CSGALNACT1: variants seen among roughly 807,000 people sequenced by gnomAD.
CSGALNACT1 encodes the protein chondroitin sulfate N-acetylgalactosaminyltransferase 1, also known as beta4GalNAcT-1.
Under a neutral mutation model 51.0 loss-of-function variants are expected in CSGALNACT1, and 52 were observed. The ratio of observed to expected loss-of-function variants is 1.02; its 90% CI spans 0.82 to 1.29. The LOEUF (loss-of-function observed/expected upper bound fraction) is 1.29. CSGALNACT1 is among the 50% of genes most tolerant of loss of function. The pLI is 0.00. For missense variants in CSGALNACT1, 935 were observed against 679.2 expected (o/e 1.38, Z -4.19); for synonymous variants, 341 against 254.4 (o/e 1.34, Z -3.24).
chr8:19,640,234 A>G (rs1007647730), intron 1 of CSGALNACT1, among the ~76,000 whole-genome samples: 1 of 152,218 alleles, frequency 6.6e-6, no homozygotes, highest in Admixed American at 6.5e-5. Context: ...TAATATTTGT[A>G]TATTTTGCTC....
At chr8:19,467,263 G>A (rs1415731002) in intron 4 of CSGALNACT1, among the ~76,000 whole-genome samples, 3 of 151,928 alleles carry the variant, frequency 2.0e-5, no homozygotes, top group Non-Finnish European at 2.9e-5. Context: ...GGGACTACAG[G>A]AGCCCGCCAC....
At chr8:19,418,840 A>AGGGG (rs1452664991) in intron 7 of CSGALNACT1, 90 bp from the exon 7 acceptor site, 2 of 859,986 alleles carry the variant, frequency 2.3e-6, no homozygotes, top group Non-Finnish European at 3.9e-6. Context: ...AACACCCCAG[A>AGGGG]TATTTGCACC....
At chr8:19,444,578 C>T (rs1418178327) in intron 5 of CSGALNACT1, among the ~76,000 whole-genome samples, 1 of 152,156 alleles carries the variant, frequency 6.6e-6, no homozygotes, top group African/African-American at 2.4e-5. Flanking sequence ...GCTACTTACC[C>T]TAACCCCCAA....
At chr8:19,409,353 C>T (rs187766455) in intron 8 of CSGALNACT1, among the ~76,000 whole-genome samples, 1 of 152,300 alleles carries the variant, frequency 6.6e-6, no homozygotes, top group African/African-American at 2.4e-5. Context: ...AAACTGCTCC[C>T]AAAAGCATCT....
chr8:19,428,825 A>ATGTGTGTGTGTGTGTGTGTG (rs59241616), intron 6 of CSGALNACT1, among the ~76,000 whole-genome samples: 2 of 143,340 alleles, frequency 1.4e-5, no homozygotes, highest in African/African-American at 5.3e-5. Context: ...AAGACATGAT[A>ATGTGTGTGTGTGTGTGTGTG]TGTGTGTGTG....
intron 1 of CSGALNACT1, among the ~76,000 whole-genome samples, chr8:19,679,273 T>C (rs1452504167): frequency 6.6e-6 from 1 of 151,836 alleles, no homozygotes; most frequent in Admixed American, 6.6e-5. Flanking sequence ...GGCAACATGA[T>C]AAACCCCCGT....
chr8:19,617,811 T>C (rs1054577954), intron 1 of CSGALNACT1, among the ~76,000 whole-genome samples: 5 of 152,244 alleles, frequency 3.3e-5, no homozygotes, highest in African/African-American at 1.2e-4. Context: ...TGTCATTTAA[T>C]TAATACCTTG....
intron 1 of CSGALNACT1, among the ~76,000 whole-genome samples, chr8:19,611,037 C>T (rs1486282435): frequency 6.6e-6 from 1 of 152,206 alleles, no homozygotes; most frequent in Non-Finnish European, 1.5e-5. Context: ...CGAGCCGCTC[C>T]CCCTGTCGCA....
At chr8:19,686,315 A>AT (rs2060974104), upstream of CSGALNACT1, among the ~76,000 whole-genome samples, 1 of 152,228 alleles carries the variant, frequency 6.6e-6, no homozygotes, top group Non-Finnish European at 1.5e-5. Context: ...AGGAAAAAAA[A>AT]CTAGAAGAAT....
At chr8:19,614,823 C>T (rs931101109) in intron 1 of CSGALNACT1, among the ~76,000 whole-genome samples, 2 of 152,238 alleles carry the variant, frequency 1.3e-5, no homozygotes, top group African/African-American at 2.4e-5. Context: ...ATTTCTGCTA[C>T]ACGGTGCTGC....
At chr8:19,650,880 G>GC (rs1264382654) in intron 1 of CSGALNACT1, among the ~76,000 whole-genome samples, 1 of 152,182 alleles carries the variant, frequency 6.6e-6, no homozygotes. Context: ...CTCAGGTGAA[G>GC]AGTCACGAGT....
chr8:19,579,892 A>C (rs572834928), intron 3 of CSGALNACT1, among the ~76,000 whole-genome samples: 3 of 152,372 alleles, frequency 2.0e-5, no homozygotes, highest in Admixed American at 6.5e-5. Flanking sequence ...GCTGAGAACA[A>C]TTACAAAAGC....
chr8:19,546,644 T>C (rs1002305353), intron 3 of CSGALNACT1, among the ~76,000 whole-genome samples: 4 of 152,342 alleles, frequency 2.6e-5, no homozygotes, highest in South Asian at 4.1e-4. Flanking sequence ...CTCATGAATA[T>C]TGTTTCTTCC....
intron 1 of CSGALNACT1, among the ~76,000 whole-genome samples, chr8:19,697,369 G>T (rs1186876739): frequency 6.6e-6 from 1 of 152,116 alleles, no homozygotes; most frequent in East Asian, 1.9e-4. Flanking sequence ...GGCAGATGAT[G>T]AACAGTGGGG....
chr8:19,505,334 G>T, exon 4 of CSGALNACT1: 1 of 1,614,158 alleles, frequency 6.2e-7, no homozygotes, highest in Non-Finnish European at 8.5e-7. Context: ...GCTTCTCCTC[G>T]GGGTGGCGGG....
At chr8:19,582,300 A>T in intron 3 of CSGALNACT1, among the ~76,000 whole-genome samples, 1 of 152,232 alleles carries the variant, frequency 6.6e-6, no homozygotes, top group Non-Finnish European at 1.5e-5. Context: ...CCTGGTAAGG[A>T]AAAAATAAAT....
At chr8:19,670,913 C>A (rs2059754012) in intron 1 of CSGALNACT1, among the ~76,000 whole-genome samples, 1 of 152,146 alleles carries the variant, frequency 6.6e-6, no homozygotes, top group South Asian at 2.1e-4. Flanking sequence ...GCTTGGCCTA[C>A]TCCACAAGTG....
rs140008771 is a variant in CSGALNACT1, at chr8:19,612,213, C to T, written c.-543-10348G>A. 5.5e-3 allele frequency among the ~76,000 whole-genome samples: 836 copies of T among 152,148 alleles called. 7 individuals carry two copies. Among genetic ancestry groups the T allele is most frequent in the African/African-American group, 0.019 (801 of 41,498 alleles). ...CAAAATTTAGCAGAGCGTGATGGCA[C>T]ATGCCTGTAATTCTAGCTACTCAGG... On this transcript the variant is annotated intron_variant, in intron 1 of 9. Coordinates refer to the CSGALNACT1 transcript ENST00000332246.
intron 3 of CSGALNACT1, among the ~76,000 whole-genome samples, chr8:19,536,829 T>C (rs1409499044): frequency 1.3e-5 from 2 of 152,060 alleles, no homozygotes; most frequent in African/African-American, 2.4e-5. Flanking sequence ...AACAACAAAG[T>C]AGAATAGAGA....
Sources: allele counts gnomAD v4.1 joint callset (sites outside exome capture counted in the v4.1 genomes callset), GRCh38; gene constraint gnomAD v4.1.1; transcripts MANE v1.5; gene names NCBI Gene and HGNC (gene_info 2026-07-23, HGNC 2026-07-21).